Variants in PRR27 observed in about 807,000 individuals in gnomAD.
The protein encoded by PRR27 is proline-rich protein 27.
Under a neutral mutation model 16.8 loss-of-function variants are expected in PRR27, and 12 were observed. That is an observed-to-expected ratio of 0.71 (90% CI 0.46 to 1.16). The LOEUF is 1.16. PRR27 is among the 50% of genes most tolerant of loss of function. PRR27 has a pLI of 0.00. For synonymous variants in PRR27, 100 were observed against 98.4 expected (o/e 1.02, Z -0.10); for missense variants, 277 against 273.3 (o/e 1.01, Z -0.10).
In PRR27 at chr4:70,158,757, G is replaced by T; in HGVS notation, c.505G>T (p.Ala169Ser). The change falls in exon 3 of 5, where the codon GCT becomes TCT. Residue 169 changes from alanine to serine, a missense_variant. Transcript: ENST00000344526. Reference protein sequence around the residue: ...AAEAPVGAEPAAEAPVAAEPA... With the variant: ...AAEAPVGAEPSAEAPVAAEPA... The stretch of plus-strand genomic sequence containing the variant: ...AGAGGCACCTGTTGGAGCTGAGCCT[G>T]CTGCAGAGGCACCTGTTGCAGCTGA... 3 of 1,579,454 alleles carry T rather than the reference G, an allele frequency of 1.9e-6. No individual in the cohort carries two copies. The highest frequency in any genetic ancestry group is 2.6e-6 in the Non-Finnish European group (3 of 1,154,242).
At chr4:70,161,471 C>A (rs2109794464) in intron 3 of PRR27, 115 bp from the exon 4 acceptor site, 3 of 591,768 alleles carry the variant, frequency 5.1e-6, no homozygotes, top group East Asian at 6.0e-5. Flanking sequence ...AAGAAGAGAT[C>A]AGCAAAACAC....
rs1028744805 is a variant in PRR27, at chr4:70,163,905, T to G, written c.*1244T>G. On this transcript the variant is annotated 3_prime_UTR_variant, in exon 5 of 5. Transcript: ENST00000344526. ...GCAGCTTTTTTTTTTTTTTCCTTTT[T>G]CAAATATGTTGGTTTTGATCTTATC... 8 of 151,612 alleles carry G rather than the reference T, an allele frequency of 5.3e-5. No individual in the cohort carries two copies. The highest frequency in any genetic ancestry group is 1.2e-4 in the Non-Finnish European group (8 of 67,952). 9.4% of individuals were successfully genotyped at this position (151,612 alleles called of 1,614,324 possible).
Position 70,158,459 on chromosome 4 carries a change from C to T in PRR27, c.207C>T (p.Asp69=). Residue 69 remains aspartate (D), a synonymous_variant, in exon 3 of 5, where the codon GAC becomes GAT. Transcript: ENST00000344526. Reference sequence around the variant, plus strand: ...GTTACCCTGGGAATACTTACACTGACACAGGGTTACCTTCGTATCCCTGGA... The same window carrying T: ...GTTACCCTGGGAATACTTACACTGATACAGGGTTACCTTCGTATCCCTGGA... The part of the protein sequence containing the change: ...VPSYPGNTYT[D]TGLPSYPWIL... 6.2e-7 allele frequency: 1 copy of T among 1,614,038 alleles called. No individual in the cohort carries two copies. The highest frequency in any genetic ancestry group is 2.2e-5 in the East Asian group (1 of 44,876).
Position 70,165,960 on chromosome 4 carries a change from A to T in PRR27, c.*3299A>T, listed in dbSNP as rs1330810068. On this transcript the variant is annotated 3_prime_UTR_variant, in exon 5 of 5. Coordinates refer to ENST00000344526, the MANE Select transcript of PRR27 (RefSeq NM_214711.4). The stretch of plus-strand genomic sequence containing the variant: ...GAAAGTCAGGACCTCAAAGAGGTAT[A>T]AGTTTGTGTGTATAATTCCCTGGCT... The T allele has an allele frequency of 1.3e-5, 2 of 152,078 alleles. No homozygotes were observed. Among genetic ancestry groups the T allele is most frequent in the Non-Finnish European group, 2.9e-5 (2 of 67,974 alleles). The allele number at this position is 152,078 out of a possible 1,614,324, so 9.4% of individuals were successfully genotyped here. A position where few individuals can be genotyped will look rare whatever the true frequency, so the allele number is the denominator to read the frequency against.
chr4:70,162,120 G>A (rs1276128895), intron 4 of PRR27, among the ~76,000 whole-genome samples: 1 of 152,062 alleles, frequency 6.6e-6, no homozygotes, highest in Non-Finnish European at 1.5e-5. Context: ...CAGCTCAACT[G>A]GACTCACTGT....
chr4:70,161,002 C>G (rs2109793879), intron 3 of PRR27, among the ~76,000 whole-genome samples: 1 of 151,572 alleles, frequency 6.6e-6, no homozygotes, highest in African/African-American at 2.4e-5. Context: ...AGATATTCAC[C>G]AAGGGGTTAC....
rs903171180 is a variant in PRR27, at chr4:70,165,406, A to C, written c.*2745A>C. On this transcript the variant is annotated 3_prime_UTR_variant, in exon 5 of 5. Transcript: ENST00000344526. The stretch of plus-strand genomic sequence containing the variant: ...CCATCTGGAAATTTCACACTAAATT[A>C]TAAAACATTTCCATCACTGCATGTA... 1 of 152,134 alleles carries C rather than the reference A, an allele frequency of 6.6e-6. No individual in the cohort carries two copies. Among genetic ancestry groups the C allele is most frequent in the African/African-American group, 2.4e-5 (1 of 41,458 alleles). 9.4% of individuals were successfully genotyped at this position (152,134 alleles called of 1,614,324 possible). A position where few individuals can be genotyped will look rare whatever the true frequency, so the allele number is the denominator to read the frequency against.
At chr4:70,154,629 T>C (rs1054752458) in intron 1 of PRR27, 1 of 870,988 alleles carries the variant, frequency 1.1e-6, no homozygotes, top group Non-Finnish European at 1.8e-6. Flanking sequence ...TGAAAATAGA[T>C]AAACAGCAAG....
In PRR27 at chr4:70,156,061, T is replaced by G. The variant is rs1460507013; in HGVS notation, c.59T>G (p.Phe20Cys). ...VCVAFARKRR[F>C]PFIGEDDNDD... ...TATTTTTCTTTATTTTAGAGACGGT[T>G]CCCCTTCATTGGTGAGGTAAAACTT... is the stretch of plus-strand genomic sequence containing the variant. Residue 20 changes from phenylalanine to cysteine, a missense_variant, in exon 2 of 5, where the codon TTC (phenylalanine) becomes TGC (cysteine). Phe to Cys is a radical substitution (Grantham distance 205, BLOSUM62 -2). Transcript: ENST00000344526. 7.0e-7 allele frequency: 1 copy of G among 1,437,360 alleles called. No homozygotes were observed. 89.0% of individuals were successfully genotyped at this position (1,437,360 alleles called of 1,614,324 possible). A position where few individuals can be genotyped will look rare whatever the true frequency, so the allele number is the denominator to read the frequency against.
In PRR27 at chr4:70,165,105, A is replaced by G. The variant is rs1224385318; in HGVS notation, c.*2444A>G. 1 of 152,076 alleles carries G rather than the reference A, an allele frequency of 6.6e-6. No individual in the cohort carries two copies. The highest frequency in any genetic ancestry group is 2.4e-5 in the African/African-American group (1 of 41,438). The allele number at this position is 152,076 out of a possible 1,614,324, so 9.4% of individuals were successfully genotyped here. A position where few individuals can be genotyped will look rare whatever the true frequency, so the allele number is the denominator to read the frequency against. Reference sequence around the variant, plus strand: ...GAGTTAGATTGAGTGAAAGGTAAACACTAACATTTGAATTGAGGTAATTTC... The same window carrying G: ...GAGTTAGATTGAGTGAAAGGTAAACGCTAACATTTGAATTGAGGTAATTTC... On this transcript the variant is annotated 3_prime_UTR_variant, in exon 5 of 5. Transcript: ENST00000344526.
intron 1 of PRR27, among the ~76,000 whole-genome samples, chr4:70,155,375 T>C (rs1449361659): frequency 6.6e-6 from 1 of 151,804 alleles, no homozygotes; most frequent in African/African-American, 2.4e-5. Flanking sequence ...TTGTGGTTTT[T>C]TTTTTTTTGA....
In PRR27 at chr4:70,162,828, A is replaced by G. The variant is rs1175468676; in HGVS notation, c.*167A>G. 6.6e-6 allele frequency: 1 copy of G among 152,142 alleles called. No individual in the cohort carries two copies. The highest frequency in any genetic ancestry group is 1.5e-5 in the Non-Finnish European group (1 of 68,026). The allele number at this position is 152,142 out of a possible 1,614,324, so 9.4% of individuals were successfully genotyped here. A position where few individuals can be genotyped will look rare whatever the true frequency, so the allele number is the denominator to read the frequency against. ...GGTAGTTTTTCCTTGGACTTAATTT[A>G]TATTGAAAAAACATTGATAATTAAA... On this transcript the variant is annotated 3_prime_UTR_variant, in exon 5 of 5. Coordinates refer to ENST00000344526, the MANE Select transcript of PRR27 (RefSeq NM_214711.4).
intron 3 of PRR27, among the ~76,000 whole-genome samples, chr4:70,159,115 A>T (rs141663050): frequency 0.011 from 1,687 of 152,304 alleles, 36 homozygotes; most frequent in African/African-American, 0.039. Context: ...AGTTACCAGG[A>T]TGGGGAATGT....
intron 3 of PRR27, among the ~76,000 whole-genome samples, chr4:70,160,864 C>T (rs1728629636): frequency 6.6e-6 from 1 of 151,810 alleles, no homozygotes; most frequent in African/African-American, 2.4e-5. Flanking sequence ...TACTCTGAAC[C>T]CTGGCAAGAG....
At position 70,154,349 on chromosome 4, in the gene PRR27, G is replaced by A. The variant is rs1034280884; in HGVS notation, c.-27G>A. On this transcript the variant is annotated 5_prime_UTR_variant, in exon 1 of 5. It adds an upstream start codon to the 5' untranslated region. Coordinates refer to ENST00000344526, the MANE Select transcript of PRR27 (RefSeq NM_214711.4). Reference sequence around the variant, plus strand: ...TATTTTCTAAAACAATAAATTTATAGTGTTAATATTCATAGGGTCAATCAA... The same window carrying A: ...TATTTTCTAAAACAATAAATTTATAATGTTAATATTCATAGGGTCAATCAA... The A allele has an allele frequency of 1.9e-5, 29 of 1,548,570 alleles. No individual in the cohort carries two copies. The highest frequency in any genetic ancestry group is 1.7e-4 in the Middle Eastern group (1 of 5,854).
In PRR27 at chr4:70,165,573, T is replaced by C. The variant is rs1308827796; in HGVS notation, c.*2912T>C. On this transcript the variant is annotated 3_prime_UTR_variant, in exon 5 of 5. Coordinates refer to ENST00000344526, the MANE Select transcript of PRR27 (RefSeq NM_214711.4). ...TTCTATAAAATAATATTGTTCACTT[T>C]TGCCTATTTTTGAGCTTTTTATAGA... The C allele has an allele frequency of 6.6e-6, 1 of 152,112 alleles. No individual in the cohort carries two copies. The highest frequency in any genetic ancestry group is 1.5e-5 in the Non-Finnish European group (1 of 67,968). The allele number at this position is 152,112 out of a possible 1,614,324, so 9.4% of individuals were successfully genotyped here. A position where few individuals can be genotyped will look rare whatever the true frequency, so the allele number is the denominator to read the frequency against.
intron 2 of PRR27, among the ~76,000 whole-genome samples, chr4:70,156,666 G>T (rs1015638784): frequency 3.3e-5 from 5 of 151,990 alleles, no homozygotes; most frequent in African/African-American, 9.7e-5. Context: ...TCAATTTCTG[G>T]CAACAGAAGA....
rs1385569125 is a variant in PRR27 at position 70,166,224 on chromosome 4, G to C, written c.*3563G>C. 2 of 151,902 alleles carry C rather than the reference G, an allele frequency of 1.3e-5. No homozygotes were observed. Among genetic ancestry groups the C allele is most frequent in the Non-Finnish European group, 2.9e-5 (2 of 67,894 alleles). 9.4% of individuals were successfully genotyped at this position (151,902 alleles called of 1,614,324 possible). A position where few individuals can be genotyped will look rare whatever the true frequency, so the allele number is the denominator to read the frequency against. ...ATATCACATTTTATTTGACTAAAAAGTAAACTATATTTCCTACATTATGCT... is the reference window on the plus strand; with the variant it reads ...ATATCACATTTTATTTGACTAAAAACTAAACTATATTTCCTACATTATGCT... On this transcript the variant is annotated 3_prime_UTR_variant, in exon 5 of 5. Coordinates refer to ENST00000344526, the MANE Select transcript of PRR27 (RefSeq NM_214711.4).
At position 70,163,362 on chromosome 4, in the gene PRR27, G is replaced by C. The variant is rs1728689158; in HGVS notation, c.*701G>C. 1 of 138,106 alleles carries C rather than the reference G, an allele frequency of 7.2e-6. No homozygotes were observed. The highest frequency in any genetic ancestry group is 2.2e-4 in the South Asian group (1 of 4,502). 8.6% of individuals were successfully genotyped at this position (138,106 alleles called of 1,614,324 possible). A position where few individuals can be genotyped will look rare whatever the true frequency, so the allele number is the denominator to read the frequency against. On this transcript the variant is annotated 3_prime_UTR_variant, in exon 5 of 5. Coordinates refer to ENST00000344526, the MANE Select transcript of PRR27 (RefSeq NM_214711.4). ...CGAAGTCTCACACTGTTGCACGGCT[G>C]TAGTGCAATGGTGCCAACTCAGCTC...
Sources: gnomAD v4.1 joint callset for allele counts (sites outside exome capture counted in the v4.1 genomes callset) on GRCh38, gnomAD v4.1.1 for gene constraint, MANE v1.5 for transcripts, NCBI Gene and HGNC (gene_info 2026-07-23, HGNC 2026-07-21) for gene names.